Variants in SH2D4A observed in about 807,000 individuals in gnomAD.
The protein encoded by SH2D4A is SH2 domain containing 4A.
Under a neutral mutation model 64.7 loss-of-function variants are expected in SH2D4A, and 70 were observed. The observed-to-expected ratio is 1.08, with a 90% CI of 0.89 to 1.32. SH2D4A has a LOEUF of 1.32. Ranked by LOEUF, SH2D4A falls within the 40% of genes most tolerant of loss-of-function variation. The pLI is 0.00. For missense variants in SH2D4A, 706 were observed against 540.1 expected, an observed-to-expected ratio of 1.31 and a Z score of -3.04; for synonymous variants, 268 against 200.7, an observed-to-expected ratio of 1.34 and a Z score of -2.83.
At chr8:19,356,885 G>A (rs1223138306) in intron 4 of SH2D4A, among the ~76,000 whole-genome samples, 1 of 152,208 alleles carries the variant, frequency 6.6e-6, no homozygotes, top group Non-Finnish European at 1.5e-5. Flanking sequence ...TAAATAGGGG[G>A]TAATGTTGAT....
intron 8 of SH2D4A, among the ~76,000 whole-genome samples, chr8:19,391,280 G>C (rs1342124016): frequency 6.6e-6 from 1 of 152,162 alleles, no homozygotes; most frequent in Non-Finnish European, 1.5e-5. Flanking sequence ...ACAAACAGAA[G>C]GAGCAGCCCG....
chr8:19,320,954 G>C (rs1176216751), intron 2 of SH2D4A, among the ~76,000 whole-genome samples: 1 of 152,222 alleles, frequency 6.6e-6, no homozygotes, highest in Non-Finnish European at 1.5e-5. Context: ...AAGGAGGTCA[G>C]TGTAGCGTCC....
chr8:19,371,867 C>T (rs1476942735), intron 7 of SH2D4A, among the ~76,000 whole-genome samples: 1 of 152,010 alleles, frequency 6.6e-6, no homozygotes, highest in Non-Finnish European at 1.5e-5. Context: ...TTTTTCGGCT[C>T]CAGGATTTGA....
At chr8:19,387,351 A>C (rs1158491477) in intron 8 of SH2D4A, among the ~76,000 whole-genome samples, 1 of 136,438 alleles carries the variant, frequency 7.3e-6, no homozygotes, top group Non-Finnish European at 1.6e-5. Flanking sequence ...CTTTGTAGAG[A>C]TGGGGTCTTG....
rs1228787449 is a variant in SH2D4A at position 19,373,600 on chromosome 8, C to T, written c.988C>T (p.Gln330Ter). ...EDIIRWFKEE[Q>*]LPLRAGYQKT... ...CATCATCCGGTGGTTTAAAGAGGAG[C>T]AGCTACCACTTCGAGCGGGCTACCA... The change falls in exon 8 of 10, where the codon CAG (glutamine) becomes TAG (stop). Residue 330 changes from glutamine to a stop codon, truncating the protein, a stop_gained. Coordinates refer to ENST00000265807, the MANE Select transcript of SH2D4A (RefSeq NM_022071.4). LOFTEE classifies it high-confidence loss of function. 6.2e-7 allele frequency: 1 copy of T among 1,613,334 alleles called. No homozygotes were observed. The highest frequency in any genetic ancestry group is 8.5e-7 in the Non-Finnish European group (1 of 1,179,636).
intron 7 of SH2D4A, among the ~76,000 whole-genome samples, chr8:19,364,619 G>C (rs1447266428): frequency 6.7e-6 from 1 of 149,990 alleles, no homozygotes; most frequent in African/African-American, 2.4e-5. Context: ...CGGTGAGCCA[G>C]TGAGGGGAGA....
intron 7 of SH2D4A, among the ~76,000 whole-genome samples, chr8:19,373,118 CTG>C: frequency 6.6e-6 from 1 of 152,148 alleles, no homozygotes; most frequent in Non-Finnish European, 1.5e-5. Context: ...GAACTTAAAT[CTG>C]TGTGTTAACA....
At chr8:19,340,387 G>C (rs1444298248) in intron 4 of SH2D4A, among the ~76,000 whole-genome samples, 2 of 152,162 alleles carry the variant, frequency 1.3e-5, no homozygotes, top group Non-Finnish European at 2.9e-5. Flanking sequence ...TCTTGCATCA[G>C]AGAGGGTGGA....
Position 19,354,325 on chromosome 8 carries a change from C to G in SH2D4A, c.514-2878C>G, listed in dbSNP as rs2052756453. ...CCTAATGAGTTTTTATGCTAAAATT[C>G]TACTCAAGAACAAGCTTGTGAGTTT... On this transcript the variant is annotated intron_variant, in intron 4 of 9. Transcript: ENST00000265807. 3.3e-5 allele frequency among the ~76,000 whole-genome samples: 5 copies of G among 152,098 alleles called. No individual in the cohort carries two copies. In the South Asian group the frequency reaches 1.0e-3, roughly 31 times the overall value.
chr8:19,351,828 G>T (rs1402096815), intron 4 of SH2D4A, among the ~76,000 whole-genome samples: 1 of 152,100 alleles, frequency 6.6e-6, no homozygotes, highest in African/African-American at 2.4e-5. Context: ...CTGTCGCCCA[G>T]GCTGGAGTGC....
intron 8 of SH2D4A, among the ~76,000 whole-genome samples, chr8:19,378,271 A>T (rs1433084754): frequency 6.6e-6 from 1 of 152,058 alleles, no homozygotes; most frequent in African/African-American, 2.4e-5. Context: ...TAAGTTTTTC[A>T]TTTCAATGAG....
At chr8:19,350,519 G>C (rs1377422340) in intron 4 of SH2D4A, among the ~76,000 whole-genome samples, 1 of 152,160 alleles carries the variant, frequency 6.6e-6, no homozygotes, top group Non-Finnish European at 1.5e-5. Flanking sequence ...GCGTTACTCT[G>C]TCTCCCAGGC....
At chr8:19,315,229 C>T (rs969689504) in intron 1 of SH2D4A, among the ~76,000 whole-genome samples, 4 of 152,070 alleles carry the variant, frequency 2.6e-5, no homozygotes, top group African/African-American at 9.7e-5. Context: ...TCAAACTCTC[C>T]AACTCAAGAG....
At chr8:19,359,360 T>G (rs2052843194) in intron 5 of SH2D4A, among the ~76,000 whole-genome samples, 1 of 152,230 alleles carries the variant, frequency 6.6e-6, no homozygotes. Flanking sequence ...TTAATATTTT[T>G]TCTTAGGTAG....
chr8:19,352,372 A>G (rs1297247973), intron 4 of SH2D4A, among the ~76,000 whole-genome samples: 2 of 152,148 alleles, frequency 1.3e-5, no homozygotes, highest in East Asian at 1.9e-4. Context: ...TGGGATTTTC[A>G]CTGATTACAG....
At chr8:19,381,153 A>C (rs1418123444) in intron 8 of SH2D4A, among the ~76,000 whole-genome samples, 1 of 151,784 alleles carries the variant, frequency 6.6e-6, no homozygotes, top group Non-Finnish European at 1.5e-5. Flanking sequence ...AAGTTCGATC[A>C]ATTCTCCCAT....
chr8:19,382,823 C>CTTTTTT lies in SH2D4A; in HGVS notation c.1048+9183_1048+9188dup, dbSNP rs1159245319. Among the ~76,000 whole-genome samples, 83 of 64,630 alleles carry CTTTTTT rather than the reference C, an allele frequency of 1.3e-3. 1 individual carries two copies. Among genetic ancestry groups the CTTTTTT allele is most frequent in the East Asian group, 2.2e-3 (5 of 2,240 alleles). 42.4% of individuals were successfully genotyped at this position (64,630 alleles called of 152,430 possible). A position where few individuals can be genotyped will look rare whatever the true frequency, so the allele number is the denominator to read the frequency against. On this transcript the variant is annotated intron_variant, in intron 8 of 9. Transcript: ENST00000265807. Reference sequence around the variant, plus strand: ...TTTCTCTCTTGCTGCTTTTAAGATTCTTTTTTTTTTTTTTTTTTTTTTTTT... The same window carrying CTTTTTT: ...TTTCTCTCTTGCTGCTTTTAAGATTCTTTTTTTTTTTTTTTTTTTTTTTTTTTTTTT...
At position 19,334,764 on chromosome 8, in the gene SH2D4A, G is replaced by T. The variant is rs752227096; in HGVS notation, c.420G>T (p.Gln140His). 2.5e-6 allele frequency: 4 copies of T among 1,614,118 alleles called. No individual in the cohort carries two copies. The South Asian group carries it at 4.4e-5, about 18-fold the overall frequency. The change falls in exon 4 of 10, where the codon CAG (glutamine) becomes CAT (histidine). Residue 140 changes from glutamine to histidine, a missense_variant. Coordinates refer to ENST00000265807, the MANE Select transcript of SH2D4A (RefSeq NM_022071.4). ...QYHDLQAPDN[Q>H]QTKDIWKKVA... The stretch of plus-strand genomic sequence containing the variant: ...ATGATCTGCAGGCTCCGGATAACCA[G>T]CAGACTAAAGACATCTGGAAGAAAG...
intron 1 of SH2D4A, among the ~76,000 whole-genome samples, chr8:19,315,073 C>A (rs2052063282): frequency 1.3e-5 from 1 of 76,098 alleles, no homozygotes; most frequent in Admixed American, 1.4e-4. Flanking sequence ...GCGGTTTTTA[C>A]GTAAAAAAAA....
Sources: allele counts gnomAD v4.1 joint callset (sites outside exome capture counted in the v4.1 genomes callset), GRCh38; gene constraint gnomAD v4.1.1; transcripts MANE v1.5; gene names NCBI Gene and HGNC (gene_info 2026-07-23, HGNC 2026-07-21).